The following CCDC148 variants were observed in gnomAD, a reference collection of about 807,000 sequenced individuals.
The protein encoded by CCDC148 is coiled-coil domain containing 148, also known as coiled-coil domain-containing protein 148.
A neutral mutation model predicts 85.7 loss-of-function variants in CCDC148; 89 were observed. That is an observed-to-expected ratio of 1.04 (90% confidence interval 0.87 to 1.24). CCDC148 has a LOEUF of 1.24. Among genes scored for constraint, CCDC148 ranks in the 50% most tolerant of loss-of-function variants. The pLI is 0.00. For synonymous variants in CCDC148, 230 were observed against 213.9 expected (o/e 1.08, Z -0.66); for missense variants, 692 against 671.7 (o/e 1.03, Z -0.33).
intron 9 of CCDC148, among the ~76,000 whole-genome samples, chr2:158,276,465 A>C (rs1440089404): frequency 6.6e-6 from 1 of 152,070 alleles, no homozygotes; most frequent in African/African-American, 2.4e-5. Flanking sequence ...AACAAACAAA[A>C]AAACTGCCTC....
chr2:158,283,600 G>A (rs913155238), intron 9 of CCDC148, among the ~76,000 whole-genome samples: 2 of 152,152 alleles, frequency 1.3e-5, no homozygotes, highest in Non-Finnish European at 2.9e-5. Context: ...CAGTTAGAAT[G>A]GCAATCATTA....
intron 9 of CCDC148, among the ~76,000 whole-genome samples, chr2:158,278,487 C>T (rs1690077096): frequency 6.6e-6 from 1 of 152,202 alleles, no homozygotes; most frequent in South Asian, 2.1e-4. Context: ...CTGCACCTGG[C>T]TGGGAGGGTC....
chr2:158,289,537 T>C (rs1312017905), intron 9 of CCDC148, among the ~76,000 whole-genome samples: 8 of 152,142 alleles, frequency 5.3e-5, no homozygotes, highest in Non-Finnish European at 4.4e-5. Context: ...AATACCACAA[T>C]ACATTTTTAA....
intron 1 of CCDC148, among the ~76,000 whole-genome samples, chr2:158,449,990 A>ATT (rs5835706): frequency 0.11 from 16,540 of 144,004 alleles, 1,090 homozygotes; most frequent in African/African-American, 0.19. Flanking sequence ...TGTCATCTTC[A>ATT]TTTTTTTTTT....
intron 1 of CCDC148, among the ~76,000 whole-genome samples, chr2:158,437,956 T>G (rs902561814): frequency 3.3e-5 from 5 of 152,226 alleles, no homozygotes; most frequent in African/African-American, 1.2e-4. Flanking sequence ...TACAAACCAC[T>G]GCTCAATGAA....
rs575235658 is a variant in CCDC148 at position 158,176,302 on chromosome 2, T to C, written c.1629+219A>G. Among the ~76,000 whole-genome samples the C allele has an allele frequency of 1.8e-4, 27 of 152,218 alleles. No individual in the cohort carries two copies. In the South Asian group the frequency reaches 5.4e-3, roughly 30 times the overall value. On this transcript the variant is annotated intron_variant, in intron 13 of 13. Coordinates refer to ENST00000283233, the MANE Select transcript of CCDC148 (RefSeq NM_138803.4). ...AAGCTTCAATGACAGATTTATAACA[T>C]TTTTAGGTAACCTCTTGTTCTATGG...
intron 7 of CCDC148, among the ~76,000 whole-genome samples, chr2:158,328,228 T>C (rs1692890932): frequency 6.6e-6 from 1 of 152,124 alleles, no homozygotes; most frequent in Admixed American, 6.6e-5. Context: ...GTGTTCTCAT[T>C]GTTCAATTCC....
At chr2:158,428,871 G>T (rs1468762100) in intron 1 of CCDC148, among the ~76,000 whole-genome samples, 2 of 152,006 alleles carry the variant, frequency 1.3e-5, no homozygotes, top group African/African-American at 4.8e-5. Context: ...CAATAGCAAA[G>T]ACTTGGAACC....
intron 1 of CCDC148, among the ~76,000 whole-genome samples, chr2:158,405,985 T>A (rs1177552513): frequency 6.6e-6 from 1 of 152,148 alleles, no homozygotes; most frequent in Non-Finnish European, 1.5e-5. Context: ...TACAAGTAGT[T>A]TCTGGATGGA....
At chr2:158,259,364 A>G (rs1689129756) in intron 9 of CCDC148, among the ~76,000 whole-genome samples, 1 of 151,936 alleles carries the variant, frequency 6.6e-6, no homozygotes, top group African/African-American at 2.4e-5. Flanking sequence ...AGGGACCATA[A>G]CTGATTGACT....
At chr2:158,298,900 TTGAG>T (rs1174483631) in intron 9 of CCDC148, among the ~76,000 whole-genome samples, 1 of 152,196 alleles carries the variant, frequency 6.6e-6, no homozygotes, top group Admixed American at 6.5e-5. Context: ...TCCTGTTTCT[TTGAG>T]TATTTGGTAA....
At chr2:158,440,147 G>A (rs1052147712) in intron 1 of CCDC148, among the ~76,000 whole-genome samples, 1 of 152,098 alleles carries the variant, frequency 6.6e-6, no homozygotes, top group African/African-American at 2.4e-5. Context: ...GAGATTACAG[G>A]TGTGAGGCAC....
intron 1 of CCDC148, among the ~76,000 whole-genome samples, chr2:158,441,470 T>C (rs1687928846): frequency 6.6e-6 from 1 of 152,182 alleles, no homozygotes; most frequent in African/African-American, 2.4e-5. Flanking sequence ...AAGTACAGAA[T>C]GTAGTTGACT....
chr2:158,301,213 A>T (rs1029915650), intron 9 of CCDC148, among the ~76,000 whole-genome samples: 2 of 152,208 alleles, frequency 1.3e-5, no homozygotes, highest in Non-Finnish European at 2.9e-5. Flanking sequence ...AGGGTTTCTC[A>T]AGGGCAGAAT....
chr2:158,240,504 A>T (rs1688311408), intron 10 of CCDC148, among the ~76,000 whole-genome samples: 1 of 149,788 alleles, frequency 6.7e-6, no homozygotes, highest in African/African-American at 2.5e-5. Flanking sequence ...CTTTAAAAGA[A>T]GTATCAGCCT....
chr2:158,427,803 C>T (rs970623440), intron 1 of CCDC148, among the ~76,000 whole-genome samples: 3 of 151,954 alleles, frequency 2.0e-5, no homozygotes, highest in African/African-American at 4.8e-5. Context: ...CTGAAGAGGT[C>T]GAGGCTACAG....
chr2:158,338,720 T>C lies in CCDC148; in HGVS notation c.764+6A>G, dbSNP rs1682514039. The stretch of plus-strand genomic sequence containing the variant: ...GTCTACACAGGACTCAGTTTTATCT[T>C]ATCACCTGTATATGTCTTCCAACTG... On this transcript the variant is annotated splice_donor_region_variant and intron_variant, in intron 7 of 13. Transcript: ENST00000283233. 1.9e-6 allele frequency: 3 copies of C among 1,590,876 alleles called. No individual in the cohort carries two copies. Among genetic ancestry groups the C allele is most frequent in the African/African-American group, 2.7e-5 (2 of 73,222 alleles).
chr2:158,334,008 A>T (rs966897519), intron 7 of CCDC148, among the ~76,000 whole-genome samples: 1 of 152,112 alleles, frequency 6.6e-6, no homozygotes, highest in African/African-American at 2.4e-5. Flanking sequence ...GAATGCATAG[A>T]TCAAGTTGGT....
intron 10 of CCDC148, among the ~76,000 whole-genome samples, chr2:158,237,423 T>C (rs957701681): frequency 6.6e-6 from 1 of 152,092 alleles, no homozygotes; most frequent in African/African-American, 2.4e-5. Context: ...AGGGGACATA[T>C]TAATTAGGAG....
Sources: gnomAD v4.1 joint callset for allele counts (sites outside exome capture counted in the v4.1 genomes callset) on GRCh38, gnomAD v4.1.1 for gene constraint, MANE v1.5 for transcripts, NCBI Gene and HGNC (gene_info 2026-07-23, HGNC 2026-07-21) for gene names.